The following RNGTT variants were observed in gnomAD, a reference collection of about 807,000 sequenced individuals.
The protein encoded by RNGTT is RNA guanylyltransferase and 5'-phosphatase, also known as mRNA-capping enzyme.
In RNGTT, 33 loss-of-function variants were observed where a neutral mutation model predicts 79.3. The observed-to-expected ratio is 0.42, with a 90% confidence interval of 0.32 to 0.56. The LOEUF (loss-of-function observed/expected upper bound fraction) is 0.56, where lower values mean the gene tolerates loss of function less well. RNGTT is among the 20% of genes least tolerant of loss of function. The pLI is 0.17. For synonymous variants in RNGTT, 222 were observed against 235.9 expected (o/e 0.94, Z 0.54); for missense variants, 497 against 739.1 (o/e 0.67, Z 3.80).
intron 13 of RNGTT, among the ~76,000 whole-genome samples, chr6:88,760,182 T>C (rs1337251072): frequency 6.6e-6 from 1 of 152,232 alleles, no homozygotes; most frequent in Non-Finnish European, 1.5e-5. Flanking sequence ...TAAAGCCACA[T>C]GCTCCTTTTC....
intron 11 of RNGTT, among the ~76,000 whole-genome samples, chr6:88,833,999 C>T (rs745368705): frequency 2.6e-5 from 4 of 152,032 alleles, no homozygotes; most frequent in East Asian, 1.9e-4. Context: ...CTGGCCTAGG[C>T]GACAGAGCGA....
chr6:88,751,210 A>G (rs1177488216), intron 13 of RNGTT, among the ~76,000 whole-genome samples: 1 of 152,134 alleles, frequency 6.6e-6, no homozygotes, highest in Non-Finnish European at 1.5e-5. Context: ...GTTCCTTAGT[A>G]ATGAATTCAC....
rs189649550 is a variant in RNGTT, at chr6:88,774,342, T to C, written c.1339-4468A>G. On this transcript the variant is annotated intron_variant, in intron 12 of 15. Transcript: ENST00000369485. ...AAACTAACAAGTGTTGGTGAGAATG[T>C]GGATAAATCAGAACATGCACATTGC... Among the ~76,000 whole-genome samples the C allele has an allele frequency of 2.0e-5, 3 of 152,068 alleles. No homozygotes were observed. In the East Asian group the frequency reaches 5.8e-4, roughly 29 times the overall value.
At chr6:88,750,211 C>T (rs1314853681) in intron 13 of RNGTT, among the ~76,000 whole-genome samples, 1 of 152,040 alleles carries the variant, frequency 6.6e-6, no homozygotes, top group East Asian at 1.9e-4. Flanking sequence ...CTACACCAGG[C>T]AAATACTAAA....
intron 2 of RNGTT, among the ~76,000 whole-genome samples, chr6:88,935,393 T>C (rs1456067818): frequency 2.0e-5 from 3 of 152,148 alleles, no homozygotes; most frequent in Admixed American, 6.6e-5. Flanking sequence ...CTTTGGTTAT[T>C]CAGGCTCATT....
At chr6:88,747,645 G>A (rs1777707170) in intron 13 of RNGTT, among the ~76,000 whole-genome samples, 1 of 152,190 alleles carries the variant, frequency 6.6e-6, no homozygotes, top group Non-Finnish European at 1.5e-5. Flanking sequence ...AGACAGTTGG[G>A]AAGAAAGCCT....
At chr6:88,930,688 A>G (rs1784490512) in intron 2 of RNGTT, among the ~76,000 whole-genome samples, 1 of 152,186 alleles carries the variant, frequency 6.6e-6, no homozygotes, top group South Asian at 2.1e-4. Context: ...ACCCAGGAGC[A>G]GCAGATTTTA....
chr6:88,708,616 T>C (rs1309998486), intron 13 of RNGTT, among the ~76,000 whole-genome samples: 1 of 152,162 alleles, frequency 6.6e-6, no homozygotes, highest in Non-Finnish European at 1.5e-5. Flanking sequence ...CTGAAATCTG[T>C]CACCACGCTG....
chr6:88,955,465 G>T (rs966523030), intron 1 of RNGTT, among the ~76,000 whole-genome samples: 1 of 150,086 alleles, frequency 6.7e-6, no homozygotes, highest in Non-Finnish European at 1.5e-5. Flanking sequence ...CAGCAGAATC[G>T]CTTGAACAGA....
Position 88,616,514 on chromosome 6 carries a change from C to CT in RNGTT, c.1507-2120dup, listed in dbSNP as rs369868166. ...CCTTAACACCTGTTAGTTTTTGTTC[C>CT]TTTTTTTTTTAAAAAAAATTGACGC... On this transcript the variant is annotated intron_variant, in intron 14 of 15. Transcript: ENST00000369485. Among the ~76,000 whole-genome samples the CT allele has an allele frequency of 1.8e-3, 269 of 149,534 alleles. 2 individuals are homozygous for CT. Among genetic ancestry groups the CT allele is most frequent in the Middle Eastern group, 3.4e-3 (1 of 292 alleles).
chr6:88,771,346 T>TATATAC (rs1366674237), intron 12 of RNGTT, among the ~76,000 whole-genome samples: 1 of 131,496 alleles, frequency 7.6e-6, no homozygotes, highest in Non-Finnish European at 1.6e-5. Context: ...TATATATATA[T>TATATAC]ATATACACAC....
intron 10 of RNGTT, among the ~76,000 whole-genome samples, chr6:88,847,430 T>C (rs1197077085): frequency 6.6e-6 from 1 of 152,172 alleles, no homozygotes; most frequent in East Asian, 1.9e-4. Flanking sequence ...AGATTTTAAA[T>C]ATTATTTCAA....
chr6:88,963,272 G>A (rs926683270), intron 1 of RNGTT, 74 bp downstream of exon 1: 4 of 1,487,116 alleles, frequency 2.7e-6, no homozygotes, highest in East Asian at 2.3e-5. Context: ...ACCACCAAAA[G>A]CTGAGCTCCT....
At chr6:88,905,056 CAGA>C in intron 5 of RNGTT, 101 bp from the exon 6 acceptor site, 1 of 1,426,136 alleles carries the variant, frequency 7.0e-7, no homozygotes, top group Admixed American at 2.2e-5. Flanking sequence ...TAAAGTACAA[CAGA>C]AGTTTATAAA....
rs1772002158 is a variant in RNGTT, at chr6:88,610,985, A to C, written c.*1734T>G. 1 of 152,154 alleles carries C rather than the reference A, an allele frequency of 6.6e-6. No individual in the cohort carries two copies. Among genetic ancestry groups the C allele is most frequent in the African/African-American group, 2.4e-5 (1 of 41,424 alleles). 9.4% of individuals were successfully genotyped at this position (152,154 alleles called of 1,614,324 possible). On this transcript the variant is annotated 3_prime_UTR_variant, in exon 16 of 16. Coordinates refer to ENST00000369485, the MANE Select transcript of RNGTT (RefSeq NM_003800.5). ...ATCCATTTTGTAAAAGATACTATGG[A>C]ACCTTGAGAATTTTCCCTCCTTCAA...
At chr6:88,817,797 T>C (rs1302540491) in intron 11 of RNGTT, among the ~76,000 whole-genome samples, 1 of 141,400 alleles carries the variant, frequency 7.1e-6, no homozygotes, top group East Asian at 2.2e-4. Context: ...TCTCGCTGTG[T>C]CTCCCAGGTT....
chr6:88,717,793 G>GA (rs1259467429), intron 13 of RNGTT, among the ~76,000 whole-genome samples: 2 of 151,932 alleles, frequency 1.3e-5, no homozygotes, highest in South Asian at 2.1e-4. Context: ...AACCACCACA[G>GA]AAAAAAACAG....
chr6:88,765,971 TGCAGCAAGTAACAGGTAGTATTGCAGAG>T (rs1778447116), intron 13 of RNGTT, among the ~76,000 whole-genome samples: 1 of 152,118 alleles, frequency 6.6e-6, no homozygotes, highest in Non-Finnish European at 1.5e-5. Context: ...TTGGACTTAG[TGCAGCAAGTAACAGGTAGTATTGCAGAG>T]GCAGCAAGAA....
At chr6:88,788,560 C>T (rs751943122) in intron 12 of RNGTT, among the ~76,000 whole-genome samples, 1 of 152,096 alleles carries the variant, frequency 6.6e-6, no homozygotes, top group East Asian at 1.9e-4. Context: ...CAGCTAAAGC[C>T]CTTTTTAAAA....
Sources: gnomAD v4.1 joint callset for allele counts (sites outside exome capture counted in the v4.1 genomes callset) on GRCh38, gnomAD v4.1.1 for gene constraint, MANE v1.5 for transcripts, NCBI Gene and HGNC (gene_info 2026-07-23, HGNC 2026-07-21) for gene names.